Variants in UBE2E2 observed in about 807,000 individuals in gnomAD.
UBE2E2 encodes ubiquitin-conjugating enzyme E2 E2.
A neutral mutation model predicts 24.7 loss-of-function variants in UBE2E2; 6 were observed. That is an observed-to-expected ratio of 0.24 (90% CI 0.13 to 0.48). The LOEUF (loss-of-function observed/expected upper bound fraction) is 0.48. Ranked by LOEUF, UBE2E2 falls within the 20% of genes least tolerant of loss-of-function variation. The pLI is 0.99. For synonymous variants in UBE2E2, 104 were observed against 83.6 expected, an observed-to-expected ratio of 1.24 and a Z score of -1.33; for missense variants, 169 against 245.0, an observed-to-expected ratio of 0.69 and a Z score of 2.07.
At chr3:23,549,802 G>A (rs781484056) in intron 5 of UBE2E2, among the ~76,000 whole-genome samples, 6 of 152,082 alleles carry the variant, frequency 3.9e-5, no homozygotes, top group Admixed American at 6.6e-5. Flanking sequence ...GAAGGCTGAG[G>A]TGGGTGGATC....
chr3:23,341,579 G>T (rs1339333606), intron 3 of UBE2E2, among the ~76,000 whole-genome samples: 1 of 152,158 alleles, frequency 6.6e-6, no homozygotes, highest in South Asian at 2.1e-4. Context: ...ATCTTATCCA[G>T]CTGACAGCTG....
At chr3:23,431,653 G>T (rs999131271) in intron 3 of UBE2E2, among the ~76,000 whole-genome samples, 1 of 152,094 alleles carries the variant, frequency 6.6e-6, no homozygotes, top group African/African-American at 2.4e-5. Flanking sequence ...GACATCTTCA[G>T]ATCTCCTCTT....
At chr3:23,417,576 G>A (rs769001222) in intron 3 of UBE2E2, among the ~76,000 whole-genome samples, 8 of 152,210 alleles carry the variant, frequency 5.3e-5, no homozygotes, top group Non-Finnish European at 1.2e-4. Context: ...AGCAGAGCTC[G>A]AGGGCTGTGC....
chr3:23,286,316 T>C (rs965143488), intron 3 of UBE2E2, among the ~76,000 whole-genome samples: 6 of 152,182 alleles, frequency 3.9e-5, no homozygotes, highest in Non-Finnish European at 8.8e-5. Context: ...CATTTTGATT[T>C]GAGTTTTGTA....
chr3:23,238,125 A>G (rs988298665), intron 3 of UBE2E2, among the ~76,000 whole-genome samples: 2 of 152,154 alleles, frequency 1.3e-5, no homozygotes, highest in African/African-American at 4.8e-5. Context: ...TATTGTTGAA[A>G]AAAGCCTGGT....
chr3:23,544,977 G>C (rs1347320691), intron 5 of UBE2E2, among the ~76,000 whole-genome samples: 1 of 152,180 alleles, frequency 6.6e-6, no homozygotes, highest in Non-Finnish European at 1.5e-5. Context: ...TGTGCTTTTA[G>C]ATATGCATAC....
At chr3:23,505,896 C>T (rs1273800969) in intron 4 of UBE2E2, among the ~76,000 whole-genome samples, 3 of 152,168 alleles carry the variant, frequency 2.0e-5, no homozygotes, top group Non-Finnish European at 2.9e-5. Flanking sequence ...CATGGCTACT[C>T]ATAAATAAGG....
chr3:23,422,814 G>A (rs1220901371), intron 3 of UBE2E2, among the ~76,000 whole-genome samples: 1 of 152,058 alleles, frequency 6.6e-6, no homozygotes, highest in Non-Finnish European at 1.5e-5. Context: ...GCTAATAGTG[G>A]ATGATGAGTT....
chr3:23,260,011 T>C (rs1429958239), intron 3 of UBE2E2, among the ~76,000 whole-genome samples: 2 of 152,232 alleles, frequency 1.3e-5, no homozygotes, highest in Non-Finnish European at 2.9e-5. Flanking sequence ...GTTATCCCTT[T>C]TATGTGATTT....
intron 3 of UBE2E2, among the ~76,000 whole-genome samples, chr3:23,276,299 T>C (rs1467872033): frequency 6.6e-6 from 1 of 152,196 alleles, no homozygotes; most frequent in African/African-American, 2.4e-5. Context: ...TTCTAATTTT[T>C]GATTTTAAAT....
intron 3 of UBE2E2, among the ~76,000 whole-genome samples, chr3:23,221,641 C>CTT (rs142942190): frequency 6.7e-6 from 1 of 149,532 alleles, no homozygotes; most frequent in African/African-American, 2.5e-5. Context: ...GTTAGTACTT[C>CTT]TTTTTTTTTT....
chr3:23,326,999 GA>G (rs1694908734), intron 3 of UBE2E2, among the ~76,000 whole-genome samples: 2 of 152,286 alleles, frequency 1.3e-5, no homozygotes, highest in Admixed American at 1.3e-4. Flanking sequence ...CAAAGGACAT[GA>G]ACTCATCCTT....
At chr3:23,355,796 AG>A (rs1311191285) in intron 3 of UBE2E2, among the ~76,000 whole-genome samples, 1 of 152,230 alleles carries the variant, frequency 6.6e-6, no homozygotes, top group African/African-American at 2.4e-5. Flanking sequence ...CAGTTATTAA[AG>A]GAGAAGAACT....
intron 3 of UBE2E2, among the ~76,000 whole-genome samples, chr3:23,362,376 C>A (rs1286935497): frequency 3.3e-5 from 5 of 152,146 alleles, no homozygotes; most frequent in Non-Finnish European, 7.4e-5. Flanking sequence ...ACTCTCGAGT[C>A]CAAGGAGACC....
intron 3 of UBE2E2, among the ~76,000 whole-genome samples, chr3:23,262,454 GT>G (rs577528918): frequency 1.3e-5 from 2 of 151,952 alleles, no homozygotes; most frequent in Non-Finnish European, 2.9e-5. Context: ...ATTAAAAAAT[GT>G]TTTTTTGTGG....
intron 3 of UBE2E2, among the ~76,000 whole-genome samples, chr3:23,303,070 G>A (rs564052433): frequency 1.4e-4 from 22 of 152,202 alleles, no homozygotes; most frequent in African/African-American, 5.1e-4. Context: ...TCTGCCTCCC[G>A]TCAGATCAGC....
intron 3 of UBE2E2, among the ~76,000 whole-genome samples, chr3:23,406,799 A>C (rs1473542198): frequency 2.0e-5 from 3 of 152,234 alleles, no homozygotes; most frequent in African/African-American, 7.2e-5. Flanking sequence ...ATGCATATCC[A>C]GCCGTGTTGG....
At chr3:23,489,350 A>T (rs747855224) in intron 3 of UBE2E2, among the ~76,000 whole-genome samples, 28 of 152,156 alleles carry the variant, frequency 1.8e-4, no homozygotes, top group Admixed American at 7.2e-4. Flanking sequence ...GTGATGGGAG[A>T]CAGTGTCAGG....
At chr3:23,352,633 G>T (rs531477245) in intron 3 of UBE2E2, among the ~76,000 whole-genome samples, 17 of 152,276 alleles carry the variant, frequency 1.1e-4, no homozygotes, top group East Asian at 3.9e-4. Context: ...AGAAAATCTA[G>T]AAGAAATGGA....
Sources: gnomAD v4.1 joint callset for allele counts (sites outside exome capture counted in the v4.1 genomes callset) on GRCh38, gnomAD v4.1.1 for gene constraint, MANE v1.5 for transcripts, NCBI Gene and HGNC (gene_info 2026-07-23, HGNC 2026-07-21) for gene names.